Variants in SEPTIN11 observed in about 807,000 individuals in gnomAD.
SEPTIN11 encodes the protein septin 11.
In SEPTIN11, 25 loss-of-function variants were observed where a neutral mutation model predicts 51.4. The ratio of observed to expected loss-of-function variants is 0.49; its 90% CI spans 0.35 to 0.68. The LOEUF is 0.68. Ranked by LOEUF, SEPTIN11 falls within the 30% of genes least tolerant of loss-of-function variation. The pLI, the probability that SEPTIN11 is intolerant of heterozygous loss-of-function variation, is 0.00. For synonymous variants in SEPTIN11, 174 were observed against 184.1 expected (o/e 0.95, Z 0.44); for missense variants, 381 against 520.8 (o/e 0.73, Z 2.61).
At chr4:76,958,647 A>T (rs1012554814) in intron 1 of SEPTIN11, among the ~76,000 whole-genome samples, 1 of 152,220 alleles carries the variant, frequency 6.6e-6, no homozygotes, top group Admixed American at 6.5e-5. Context: ...TGGATGTTTT[A>T]AAAAATACTC....
Position 77,020,485 on chromosome 4 carries a change from T to TCC in SEPTIN11, c.785-12_785-11dup. On this transcript the variant is annotated splice_polypyrimidine_tract_variant and intron_variant, in intron 6 of 9. Transcript: ENST00000264893. ...CATTGCTAATCCCACTTCCGCCATT[T>TCC]CCCCCCTCTCTTGTAGTTGAGAATG... is the stretch of plus-strand genomic sequence containing the variant. The TCC allele has an allele frequency of 6.2e-7, 1 of 1,612,008 alleles. No homozygotes were observed. Among genetic ancestry groups the TCC allele is most frequent in the Non-Finnish European group, 8.5e-7 (1 of 1,179,056 alleles).
intron 2 of SEPTIN11, among the ~76,000 whole-genome samples, chr4:77,005,279 C>T (rs984419597): frequency 1.3e-5 from 2 of 152,116 alleles, no homozygotes; most frequent in Non-Finnish European, 2.9e-5. Context: ...AGACAAAGTT[C>T]ATGTTCTTGT....
In SEPTIN11 at chr4:76,949,828, C is replaced by G; in HGVS notation, c.-76C>G. 6.8e-7 allele frequency: 1 copy of G among 1,462,548 alleles called. No homozygotes were observed. The highest frequency in any genetic ancestry group is 1.2e-5 in the South Asian group (1 of 80,294). 90.6% of individuals were successfully genotyped at this position (1,462,548 alleles called of 1,614,324 possible). On this transcript the variant is annotated 5_prime_UTR_variant, in exon 1 of 10. Transcript: ENST00000264893. ...CGAGGGAGGCGCGAGGGAGGCGAGC[C>G]GGAGCCCGAGCACTAGCAGCAGCCG...
chr4:76,961,569 G>A (rs1721826290), intron 1 of SEPTIN11, among the ~76,000 whole-genome samples: 1 of 152,144 alleles, frequency 6.6e-6, no homozygotes, highest in Admixed American at 6.5e-5. Flanking sequence ...GAACATCAGA[G>A]CTTAGCCTAG....
At chr4:77,014,252 T>A (rs1295643773) in intron 4 of SEPTIN11, among the ~76,000 whole-genome samples, 1 of 152,216 alleles carries the variant, frequency 6.6e-6, no homozygotes, top group Non-Finnish European at 1.5e-5. Flanking sequence ...ACCATTTTTG[T>A]TTTGGCTAAT....
intron 2 of SEPTIN11, among the ~76,000 whole-genome samples, chr4:76,997,137 AAGG>A (rs1392990988): frequency 3.9e-5 from 6 of 152,216 alleles, no homozygotes; most frequent in Non-Finnish European, 8.8e-5. Context: ...TGTTAGTTTG[AAGG>A]AGAAGTGTGT....
At chr4:76,988,625 G>A (rs751947639) in intron 1 of SEPTIN11, among the ~76,000 whole-genome samples, 14 of 152,232 alleles carry the variant, frequency 9.2e-5, no homozygotes, top group East Asian at 1.9e-4. Context: ...ATCCTCCTGC[G>A]TCAGCCTCCC....
intron 1 of SEPTIN11, among the ~76,000 whole-genome samples, chr4:76,953,250 A>AT (rs1351571929): frequency 1.3e-5 from 2 of 152,212 alleles, no homozygotes; most frequent in Non-Finnish European, 2.9e-5. Context: ...GGTGTTGGGG[A>AT]TATAGCAGTG....
chr4:77,016,738 A>C (rs960241270), intron 5 of SEPTIN11, among the ~76,000 whole-genome samples: 3 of 145,000 alleles, frequency 2.1e-5, no homozygotes, highest in Non-Finnish European at 4.5e-5. Context: ...AGGGAGGATC[A>C]CTTGAGGCCA....
chr4:76,959,016 C>G, intron 1 of SEPTIN11: 1 of 761,450 alleles, frequency 1.3e-6, no homozygotes, highest in Non-Finnish European at 2.4e-6. Flanking sequence ...TCAAGGAATA[C>G]CATGTTGGAA....
chr4:77,018,879 A>G (rs758711073), intron 5 of SEPTIN11, among the ~76,000 whole-genome samples: 1 of 152,228 alleles, frequency 6.6e-6, no homozygotes, highest in Non-Finnish European at 1.5e-5. Context: ...CAGGTGCTCA[A>G]CAGTCACATA....
intron 1 of SEPTIN11, chr4:76,973,067 G>A (rs2132768): frequency 0.64 from 97,954 of 151,958 alleles, 31,733 homozygotes; most frequent in African/African-American, 0.69. Flanking sequence ...GAAGAAACCG[G>A]GTGGTGAGTA....
At chr4:76,974,878 T>A (rs1722414826) in intron 1 of SEPTIN11, 2 of 456,136 alleles carry the variant, frequency 4.4e-6, no homozygotes, top group African/African-American at 4.0e-5. Context: ...ATCCCAACAC[T>A]TTGGGAGGCC....
intron 2 of SEPTIN11, 64 bp from the exon 3 acceptor site, chr4:77,005,537 T>A (rs772762513): frequency 6.3e-5 from 87 of 1,381,538 alleles, no homozygotes; most frequent in Non-Finnish European, 8.5e-5. Context: ...AAAATACTGA[T>A]GAATTGAACT....
downstream of SEPTIN11, chr4:77,039,587 T>A (rs1310592854): frequency 2.0e-6 from 2 of 985,144 alleles, no homozygotes; most frequent in Admixed American, 1.2e-4. Context: ...GGTCATAAGA[T>A]CCGAGCAACA....
chr4:77,037,886 C>G lies in SEPTIN11; in HGVS notation c.*3374C>G. On this transcript the variant is annotated 3_prime_UTR_variant, in exon 10 of 10. Coordinates refer to ENST00000264893, the MANE Select transcript of SEPTIN11 (RefSeq NM_018243.4). ...ACAGATTACTTATCTTCCTTCTCTG[C>G]TTTGTGACTCACCAGCAGTAACACA... 2 of 985,900 alleles carry G rather than the reference C, an allele frequency of 2.0e-6. No homozygotes were observed. The highest frequency in any genetic ancestry group is 2.4e-6 in the Non-Finnish European group (2 of 829,944). The allele number at this position is 985,900 out of a possible 1,614,324, so 61.1% of individuals were successfully genotyped here. A position where few individuals can be genotyped will look rare whatever the true frequency, so the allele number is the denominator to read the frequency against.
chr4:77,014,315 T>C (rs1284944744), intron 4 of SEPTIN11, among the ~76,000 whole-genome samples: 1 of 152,182 alleles, frequency 6.6e-6, no homozygotes, highest in Non-Finnish European at 1.5e-5. Context: ...AGAAAGGATG[T>C]TGGGCTGCAT....
chr4:77,015,715 T>G (rs1323280028), intron 5 of SEPTIN11, among the ~76,000 whole-genome samples: 1 of 152,146 alleles, frequency 6.6e-6, no homozygotes, highest in Non-Finnish European at 1.5e-5. Context: ...TTGCATATAG[T>G]GGAGGCCCAG....
rs200143436 is a variant in SEPTIN11, at chr4:76,999,547, TA to T, written c.142+3016del. Among the ~76,000 whole-genome samples the T allele has an allele frequency of 2.7e-3, 418 of 152,030 alleles. 2 individuals are homozygous for T. Among genetic ancestry groups the T allele is most frequent in the African/African-American group, 9.3e-3 (385 of 41,482 alleles). ...GGTAAATATGGGAGGGAATTAAGGA[TA>T]AAAAAAATAAAATTATGATCCCGGT... On this transcript the variant is annotated intron_variant, in intron 2 of 9. Coordinates refer to ENST00000264893, the MANE Select transcript of SEPTIN11 (RefSeq NM_018243.4).
Sources: gnomAD v4.1 joint callset for allele counts (sites outside exome capture counted in the v4.1 genomes callset) on GRCh38, gnomAD v4.1.1 for gene constraint, MANE v1.5 for transcripts, NCBI Gene and HGNC (gene_info 2026-07-23, HGNC 2026-07-21) for gene names.